The following ATP5F1D variants were observed in gnomAD, a reference collection of about 807,000 sequenced individuals.
The protein encoded by ATP5F1D is ATP synthase F1 subunit delta.
ATP5F1D carries 16 observed loss-of-function variants against 13.0 expected under a neutral mutation model. The observed-to-expected ratio is 1.23, with a 90% CI of 0.83 to 1.87. ATP5F1D has a LOEUF of 1.87. Ranked by LOEUF, ATP5F1D falls within the 40% of genes most tolerant of loss-of-function variation. The probability of loss-of-function intolerance (pLI) is 0.00; values close to 1 mark genes in which losing one functional copy is unlikely to be tolerated. For synonymous variants in ATP5F1D, 129 were observed against 116.2 expected, an observed-to-expected ratio of 1.11 and a Z score of -0.71; for missense variants, 294 against 246.2, an observed-to-expected ratio of 1.19 and a Z score of -1.30.
At chr19:1,243,196 C>T (rs1397689587) in intron 2 of ATP5F1D, 1 of 152,452 alleles carries the variant, frequency 6.6e-6, no homozygotes, top group Admixed American at 6.5e-5. Context: ...TGGCTCTGGA[C>T]CAACCAATGT....
At chr19:1,244,236 G>A (rs1289609006) in intron 3 of ATP5F1D, 51 bp downstream of exon 3, 1 of 1,586,960 alleles carries the variant, frequency 6.3e-7, no homozygotes, top group Admixed American at 1.8e-5. Context: ...TGTCCAGGCT[G>A]CGGGGGAGGG....
intron 2 of ATP5F1D, 57 bp downstream of exon 2, chr19:1,242,666 C>A: frequency 7.1e-7 from 1 of 1,414,718 alleles, no homozygotes; most frequent in Non-Finnish European, 9.3e-7. Flanking sequence ...CATCCCAGGT[C>A]AGTCTCCGTC....
Position 1,241,931 on chromosome 19 carries a change from C to T in ATP5F1D, c.81C>T (p.Ala27=). The T allele has an allele frequency of 1.3e-6, 2 of 1,497,184 alleles. No homozygotes were observed. Among genetic ancestry groups the T allele is most frequent in the East Asian group, 2.7e-5 (1 of 36,740 alleles). 92.7% of individuals were successfully genotyped at this position (1,497,184 alleles called of 1,614,324 possible). A position where few individuals can be genotyped will look rare whatever the true frequency, so the allele number is the denominator to read the frequency against. The change falls in exon 1 of 4, where the codon GCC becomes GCT. Residue 27 remains alanine (A), a synonymous_variant. Coordinates refer to ENST00000215375, the MANE Select transcript of ATP5F1D (RefSeq NM_001687.5). ...RHARAYAEAA[A]APAAASGPNQ... is the part of the protein sequence containing the mutation. Reference sequence around the variant, plus strand: ...CCCGTGCCTATGCCGAGGCCGCCGCCGCCCCGGCTGCCGCCTCTGGCCCCA... The same window carrying T: ...CCCGTGCCTATGCCGAGGCCGCCGCTGCCCCGGCTGCCGCCTCTGGCCCCA...
intron 1 of ATP5F1D, 184 bp downstream of exon 1, chr19:1,242,175 G>A: frequency 2.2e-6 from 2 of 901,514 alleles, no homozygotes; most frequent in Non-Finnish European, 3.0e-6. Flanking sequence ...CTCGTCCCGG[G>A]CACCTCCCCG....
At chr19:1,243,343 C>T (rs926334858) in intron 2 of ATP5F1D, 1 of 152,022 alleles carries the variant, frequency 6.6e-6, no homozygotes, top group Non-Finnish European at 1.5e-5. Context: ...CATAGTGAGA[C>T]CCTGTCTCTA....
At chr19:1,243,234 C>G (rs1230799521) in intron 2 of ATP5F1D, 1 of 152,266 alleles carries the variant, frequency 6.6e-6, no homozygotes, top group Non-Finnish European at 1.5e-5. Flanking sequence ...AGATGTAAAA[C>G]CACCCAGGCC....
chr19:1,242,015 C>T (rs1029290581), intron 1 of ATP5F1D, 24 bp downstream of exon 1: 6 of 1,383,164 alleles, frequency 4.3e-6, no homozygotes, highest in Non-Finnish European at 4.7e-6. Context: ...GGGTCGGGAC[C>T]CTCCGTGGCC....
chr19:1,242,364 G>T, intron 1 of ATP5F1D, 92 bp from the exon 2 acceptor site: 3 of 1,401,168 alleles, frequency 2.1e-6, no homozygotes, highest in Middle Eastern at 2.6e-4. Context: ...GCCAGGTCCT[G>T]CCCTGACCCA....
At chr19:1,242,702 G>A in intron 2 of ATP5F1D, 93 bp downstream of exon 2, 1 of 1,367,042 alleles carries the variant, frequency 7.3e-7, no homozygotes, top group Non-Finnish European at 9.5e-7. Context: ...AGAAAAAATA[G>A]TTTTAGGCCG....
rs1420774445 is a variant in ATP5F1D at position 1,241,857 on chromosome 19, C to A, written c.7C>A (p.Pro3Thr). ML[P>T]AALLRRPGLG... ...CCTGCCGCCCGCCGCTGCCATGCTG[C>A]CCGCCGCGCTGCTCCGCCGCCCGGG... is the stretch of plus-strand genomic sequence containing the variant. Residue 3 changes from proline (P) to threonine (T), a missense_variant, in exon 1 of 4, where the codon CCC becomes ACC. Pro to Thr is a conservative substitution (Grantham distance 38, BLOSUM62 -1). Coordinates refer to ENST00000215375, the MANE Select transcript of ATP5F1D (RefSeq NM_001687.5). 1.5e-6 allele frequency: 2 copies of A among 1,370,068 alleles called. No individual in the cohort carries two copies. The highest frequency in any genetic ancestry group is 1.5e-5 in the African/African-American group (1 of 65,704). The allele number at this position is 1,370,068 out of a possible 1,614,324, so 84.9% of individuals were successfully genotyped here. A position where few individuals can be genotyped will look rare whatever the true frequency, so the allele number is the denominator to read the frequency against.
At chr19:1,242,225 C>T (rs1296131284) in intron 1 of ATP5F1D, 1 of 774,668 alleles carries the variant, frequency 1.3e-6, no homozygotes, top group Non-Finnish European at 1.8e-6. Context: ...ATCTCCCTGG[C>T]CAAAGCCTGG....
At position 1,241,875 on chromosome 19, in the gene ATP5F1D, C is replaced by A; in HGVS notation, c.25C>A (p.Arg9Ser). Residue 9 changes from arginine to serine, a missense_variant, in exon 1 of 4, where the codon CGC becomes AGC. Arg to Ser is a moderately radical substitution (Grantham distance 110). Transcript: ENST00000215375. The stretch of plus-strand genomic sequence containing the variant: ...CATGCTGCCCGCCGCGCTGCTCCGC[C>A]GCCCGGGACTTGGCCGCCTCGTCCG... MLPAALLR[R>S]PGLGRLVRHA... 1 of 1,402,914 alleles carries A rather than the reference C, an allele frequency of 7.1e-7. No homozygotes were observed. Among genetic ancestry groups the A allele is most frequent in the Non-Finnish European group, 9.3e-7 (1 of 1,080,678 alleles). 86.9% of individuals were successfully genotyped at this position (1,402,914 alleles called of 1,614,324 possible).
At position 1,244,536 on chromosome 19, in the gene ATP5F1D, G is replaced by C. The variant is rs1475386086; in HGVS notation, c.*99G>C. The C allele has an allele frequency of 7.4e-6, 11 of 1,482,028 alleles. No individual in the cohort carries two copies. The highest frequency in any genetic ancestry group is 4.6e-5 in the Admixed American group (2 of 43,530). The allele number at this position is 1,482,028 out of a possible 1,614,324, so 91.8% of individuals were successfully genotyped here. ...GGGGTCCCGGCCACCTGGGGAAGCC[G>C]CGCCTGCCAAGGAGGCCACCAGAGG... On this transcript the variant is annotated 3_prime_UTR_variant, in exon 4 of 4. Transcript: ENST00000215375.
chr19:1,242,036 G>A, intron 1 of ATP5F1D, 45 bp downstream of exon 1: 1 of 1,357,998 alleles, frequency 7.4e-7, no homozygotes, highest in Non-Finnish European at 9.5e-7. Flanking sequence ...GCCGCCCCCG[G>A]AGTCCAGGGT....
chr19:1,242,666 C>G (rs1269247185), intron 2 of ATP5F1D, 57 bp downstream of exon 2: 1 of 1,414,600 alleles, frequency 7.1e-7, no homozygotes, highest in African/African-American at 1.5e-5. Context: ...CATCCCAGGT[C>G]AGTCTCCGTC....
Position 1,244,553 on chromosome 19 carries a change from C to T in ATP5F1D, c.*116C>T, listed in dbSNP as rs2081054043. On this transcript the variant is annotated 3_prime_UTR_variant, in exon 4 of 4. Transcript: ENST00000215375. ...GGGAAGCCGCGCCTGCCAAGGAGGCCACCAGAGGGCAGTGCAGGCTTCTGC... is the reference window on the plus strand; with the variant it reads ...GGGAAGCCGCGCCTGCCAAGGAGGCTACCAGAGGGCAGTGCAGGCTTCTGC... The T allele has an allele frequency of 7.0e-7, 1 of 1,438,754 alleles. No individual in the cohort carries two copies. Among genetic ancestry groups the T allele is most frequent in the East Asian group, 2.5e-5 (1 of 40,102 alleles). 89.1% of individuals were successfully genotyped at this position (1,438,754 alleles called of 1,614,324 possible).
At chr19:1,242,212 C>G (rs2081041048) in intron 1 of ATP5F1D, 2 of 773,154 alleles carry the variant, frequency 2.6e-6, no homozygotes, top group South Asian at 7.6e-5. Flanking sequence ...GGTGCCCTCC[C>G]CGATCTCCCT....
chr19:1,242,020 G>A (rs1180111031), intron 1 of ATP5F1D, 29 bp downstream of exon 1: 102 of 1,375,470 alleles, frequency 7.4e-5, no homozygotes, highest in Non-Finnish European at 9.3e-5. Context: ...GGGACCCTCC[G>A]TGGCCGCCGC....
In ATP5F1D at chr19:1,241,941, G is replaced by A. The variant is rs548289025; in HGVS notation, c.91G>A (p.Ala31Thr). The A allele has an allele frequency of 4.0e-6, 6 of 1,496,306 alleles. No homozygotes were observed. Among genetic ancestry groups the A allele is most frequent in the East Asian group, 2.7e-5 (1 of 36,746 alleles). The allele number at this position is 1,496,306 out of a possible 1,614,324, so 92.7% of individuals were successfully genotyped here. The change falls in exon 1 of 4, where the codon GCC becomes ACC. Residue 31 changes from alanine to threonine, a missense_variant. Transcript: ENST00000215375. ...AYAEAAAAPA[A>T]ASGPNQMSFT... The stretch of plus-strand genomic sequence containing the variant: ...TGCCGAGGCCGCCGCCGCCCCGGCT[G>A]CCGCCTCTGGCCCCAACCAGATGTC...
Sources: gnomAD v4.1 joint callset for allele counts on GRCh38, gnomAD v4.1.1 for gene constraint, MANE v1.5 for transcripts, NCBI Gene and HGNC (gene_info 2026-07-23, HGNC 2026-07-21) for gene names.